ALPK2: variants seen among roughly 807,000 people sequenced by gnomAD.
ALPK2 encodes alpha-protein kinase 2.
A neutral mutation model predicts 163.1 loss-of-function variants in ALPK2; 127 were observed. The observed-to-expected ratio is 0.78, with a 90% CI of 0.67 to 0.90. The LOEUF is 0.90. Among genes scored for constraint, ALPK2 ranks in the 40% least tolerant of loss-of-function variants. The probability of loss-of-function intolerance (pLI) is 0.00; values close to 1 mark genes in which losing one functional copy is unlikely to be tolerated. For synonymous variants in ALPK2, 953 were observed against 959.1 expected (o/e 0.99, Z 0.12); for missense variants, 2,360 against 2,589.6 (o/e 0.91, Z 1.92).
At chr18:58,547,069 G>T (rs561614466) in intron 4 of ALPK2, among the ~76,000 whole-genome samples, 4 of 140,618 alleles carry the variant, frequency 2.8e-5, no homozygotes, top group Non-Finnish European at 3.2e-5. Context: ...CTACTATACA[G>T]GAAGTGGCTG....
intron 11 of ALPK2, among the ~76,000 whole-genome samples, chr18:58,499,925 G>T (rs972585439): frequency 4.6e-5 from 7 of 152,396 alleles, no homozygotes; most frequent in Admixed American, 3.9e-4. Context: ...CCCAAGTGGA[G>T]TGCTGTTTCT....
At chr18:58,485,805 C>G (rs1163532403) in intron 12 of ALPK2, among the ~76,000 whole-genome samples, 1 of 152,196 alleles carries the variant, frequency 6.6e-6, no homozygotes, top group African/African-American at 2.4e-5. Context: ...ACCCCGGTTG[C>G]TTCACACCAA....
chr18:58,570,146 A>G (rs887449357), intron 4 of ALPK2, among the ~76,000 whole-genome samples: 5 of 146,180 alleles, frequency 3.4e-5, no homozygotes, highest in African/African-American at 1.3e-4. Flanking sequence ...AAAAAAAAAA[A>G]GAAAAGAAAA....
At chr18:58,569,144 TGTA>T (rs2051872014) in intron 4 of ALPK2, among the ~76,000 whole-genome samples, 1 of 152,128 alleles carries the variant, frequency 6.6e-6, no homozygotes. Flanking sequence ...AGGTCCAGGC[TGTA>T]GTAAGCAGTA....
chr18:58,596,913 C>G (rs999232753), intron 3 of ALPK2, among the ~76,000 whole-genome samples: 1 of 152,156 alleles, frequency 6.6e-6, no homozygotes, highest in African/African-American at 2.4e-5. Flanking sequence ...CTCAACCCCC[C>G]AGGCCCAACC....
intron 4 of ALPK2, chr18:58,544,980 CT>C (rs1452126581): frequency 6.6e-6 from 1 of 152,226 alleles, no homozygotes; most frequent in Non-Finnish European, 1.5e-5. Flanking sequence ...GGAAGCTTTG[CT>C]TTCCTTGTGT....
In ALPK2 at chr18:58,536,789, G is replaced by T; in HGVS notation, c.3398C>A (p.Thr1133Lys). 1 of 1,614,142 alleles carries T rather than the reference G, an allele frequency of 6.2e-7. No individual in the cohort carries two copies. Among genetic ancestry groups the T allele is most frequent in the Non-Finnish European group, 8.5e-7 (1 of 1,180,004 alleles). The change falls in exon 5 of 13, where the codon ACA becomes AAA. Residue 1133 changes from threonine to lysine, a missense_variant. Thr to Lys is a moderately conservative substitution (Grantham distance 78). Transcript: ENST00000361673. Reference sequence around the variant, plus strand: ...GCTCTGCTGCTGGACCCCCTGCTTTGTTTCACTTCCTCTTTCTTGGAAATT... The same window carrying T: ...GCTCTGCTGCTGGACCCCCTGCTTTTTTTCACTTCCTCTTTCTTGGAAATT... ...EENFQERGSE[T>K]KQGVQQQSLS...
chr18:58,504,403 T>C (rs2051450888), intron 10 of ALPK2, among the ~76,000 whole-genome samples: 1 of 152,216 alleles, frequency 6.6e-6, no homozygotes, highest in Non-Finnish European at 1.5e-5. Context: ...TGTAGTCATA[T>C]CTTAATGACC....
chr18:58,492,935 G>C (rs936200179), intron 12 of ALPK2, among the ~76,000 whole-genome samples: 1 of 152,198 alleles, frequency 6.6e-6, no homozygotes, highest in Non-Finnish European at 1.5e-5. Context: ...AGTAGGGTCT[G>C]CCTTGCCAAA....
chr18:58,567,093 C>T (rs986627839), intron 4 of ALPK2, among the ~76,000 whole-genome samples: 1 of 152,030 alleles, frequency 6.6e-6, no homozygotes, highest in Admixed American at 6.5e-5. Context: ...AATGCAGGTT[C>T]AGGCCTGCAT....
chr18:58,614,245 A>G (rs1408078040), intron 1 of ALPK2, among the ~76,000 whole-genome samples: 1 of 152,228 alleles, frequency 6.6e-6, no homozygotes, highest in African/African-American at 2.4e-5. Flanking sequence ...TTTGAGAGAC[A>G]TACCTGCTGG....
intron 1 of ALPK2, among the ~76,000 whole-genome samples, chr18:58,625,590 T>C (rs1333869176): frequency 6.6e-6 from 1 of 152,260 alleles, no homozygotes; most frequent in Non-Finnish European, 1.5e-5. Context: ...CTTTAGATTC[T>C]GTTGCACTTG....
chr18:58,551,248 A>C (rs1399690353), intron 4 of ALPK2, among the ~76,000 whole-genome samples: 3 of 152,172 alleles, frequency 2.0e-5, no homozygotes, highest in Non-Finnish European at 4.4e-5. Flanking sequence ...TCAGTTCTGG[A>C]GGCCAGAAGT....
chr18:58,591,973 G>T (rs1194603532), intron 3 of ALPK2, among the ~76,000 whole-genome samples: 1 of 152,152 alleles, frequency 6.6e-6, no homozygotes, highest in African/African-American at 2.4e-5. Flanking sequence ...CATACTAAGG[G>T]GTTTAGACCT....
intron 4 of ALPK2, among the ~76,000 whole-genome samples, chr18:58,556,417 C>G (rs1007163727): frequency 1.3e-5 from 2 of 152,168 alleles, no homozygotes; most frequent in African/African-American, 2.4e-5. Context: ...AAGGCTTCGC[C>G]GCTTCCTGAC....
chr18:58,539,053 T>C (rs906181216), intron 4 of ALPK2, among the ~76,000 whole-genome samples: 1 of 152,196 alleles, frequency 6.6e-6, no homozygotes, highest in Admixed American at 6.5e-5. Flanking sequence ...ATAGGCCTCA[T>C]TTCTTGATAA....
At chr18:58,527,544 C>G (rs768205751) in intron 6 of ALPK2, among the ~76,000 whole-genome samples, 1 of 152,122 alleles carries the variant, frequency 6.6e-6, no homozygotes, top group Non-Finnish European at 1.5e-5. Flanking sequence ...AAAAGGGACC[C>G]GCAAATATTC....
chr18:58,608,907 A>G (rs1160875929), intron 2 of ALPK2, among the ~76,000 whole-genome samples: 5 of 150,516 alleles, frequency 3.3e-5, no homozygotes, highest in African/African-American at 1.2e-4. Flanking sequence ...AGCTGTAATC[A>G]TGATTGTGCC....
Position 58,517,037 on chromosome 18 carries a change from T to A in ALPK2, c.5811A>T (p.Thr1937=), listed in dbSNP as rs779510607. The A allele has an allele frequency of 2.5e-5, 40 of 1,614,126 alleles. No individual in the cohort carries two copies. Among genetic ancestry groups the A allele is most frequent in the Admixed American group, 3.3e-5 (2 of 60,008 alleles). The change falls in exon 9 of 13, where the codon ACA becomes ACT. Residue 1937 remains threonine (T), a synonymous_variant. Transcript: ENST00000361673. Reference sequence around the variant, plus strand: ...AGACAGGCATGAGGCCGTGCATCACTGTGCTGCGGAAGGCTTTGCGGTGAA... The same window carrying A: ...AGACAGGCATGAGGCCGTGCATCACAGTGCTGCGGAAGGCTTTGCGGTGAA... ...EGVHRKAFRS[T]VMHGLMPVFK...
Sources: gnomAD v4.1 joint callset for allele counts (sites outside exome capture counted in the v4.1 genomes callset) on GRCh38, gnomAD v4.1.1 for gene constraint, MANE v1.5 for transcripts, NCBI Gene and HGNC (gene_info 2026-07-23, HGNC 2026-07-21) for gene names.